RIN3: variants seen among roughly 807,000 people sequenced by gnomAD.
RIN3 encodes the protein Ras and Rab interactor 3, also known as RAB5 interacting protein 3.
A neutral mutation model predicts 76.3 loss-of-function variants in RIN3; 54 were observed. The ratio of observed to expected loss-of-function variants is 0.71; its 90% CI spans 0.57 to 0.89. The LOEUF is 0.89. Ranked by LOEUF, RIN3 falls within the 40% of genes least tolerant of loss-of-function variation. RIN3 has a pLI of 0.00. For synonymous variants in RIN3, 576 were observed against 564.0 expected (o/e 1.02, Z -0.30); for missense variants, 1,256 against 1,322.1 (o/e 0.95, Z 0.78).
At chr14:92,615,364 C>T in intron 3 of RIN3, 43 bp from the exon 4 acceptor site, 2 of 1,557,676 alleles carry the variant, frequency 1.3e-6, no homozygotes, top group Non-Finnish European at 1.8e-6. Context: ...TTTTCCTTGG[C>T]AGGATACTCA....
At chr14:92,579,260 T>G (rs1289450031) in intron 3 of RIN3, among the ~76,000 whole-genome samples, 1 of 152,232 alleles carries the variant, frequency 6.6e-6, no homozygotes, top group African/African-American at 2.4e-5. Context: ...GTGGCTAATT[T>G]GTTAGTTTTA....
chr14:92,563,634 A>G (rs1897839502), intron 2 of RIN3, among the ~76,000 whole-genome samples: 1 of 151,868 alleles, frequency 6.6e-6, no homozygotes, highest in Non-Finnish European at 1.5e-5. Context: ...AAGCTTTAAA[A>G]AAAACAGTGT....
chr14:92,612,777 T>C (rs986700219), intron 3 of RIN3, among the ~76,000 whole-genome samples: 2 of 152,220 alleles, frequency 1.3e-5, no homozygotes, highest in Non-Finnish European at 2.9e-5. Flanking sequence ...TACTTATGAT[T>C]TTACAAATCT....
Position 92,651,882 on chromosome 14 carries a change from G to GCTGCCCCCCCCCCCCCCCCCCCC in RIN3, c.834_835insTGCCCCCCCCCCCCCCCCCCCCC (p.Arg279CysfsTer68). On this transcript the variant is annotated frameshift_variant, in exon 6 of 10. Transcript: ENST00000216487. LOFTEE classifies it high-confidence loss of function. ...TCACCCACCTCCAGGTGGGCCCCAC[G>GCTGCCCCCCCCCCCCCCCCCCCC]CCGCCCACCACCCCCTCCCCCAGTG... The GCTGCCCCCCCCCCCCCCCCCCCC allele has an allele frequency of 6.4e-7, 1 of 1,554,474 alleles. No homozygotes were observed. The highest frequency in any genetic ancestry group is 8.7e-7 in the Non-Finnish European group (1 of 1,153,212).
In RIN3 at chr14:92,625,229, C is replaced by T. The variant is rs577886682; in HGVS notation, c.440+9750C>T. Among the ~76,000 whole-genome samples, 16 of 152,220 alleles carry T rather than the reference C, an allele frequency of 1.1e-4. No homozygotes were observed. The East Asian group carries it at 1.7e-3, about 17-fold the overall frequency. On this transcript the variant is annotated intron_variant, in intron 4 of 9. Transcript: ENST00000216487. ...GGGGCAGTTCGGATCCTGAGTAGAGCGATGGGGAGACACTTAGTCCAGGGT... is the reference window on the plus strand; with the variant it reads ...GGGGCAGTTCGGATCCTGAGTAGAGTGATGGGGAGACACTTAGTCCAGGGT...
intron 3 of RIN3, among the ~76,000 whole-genome samples, chr14:92,614,844 C>CT (rs71301939): frequency 0.16 from 18,347 of 118,088 alleles, 2,014 homozygotes; most frequent in African/African-American, 0.24. Context: ...TCTGGTATGT[C>CT]TTTTTTTTTT....
At chr14:92,520,182 A>G (rs1175312472) in intron 1 of RIN3, among the ~76,000 whole-genome samples, 3 of 152,252 alleles carry the variant, frequency 2.0e-5, no homozygotes, top group African/African-American at 4.8e-5. Context: ...TTCTCTTTTT[A>G]GCAGAAATGG....
intron 6 of RIN3, among the ~76,000 whole-genome samples, chr14:92,657,912 C>T (rs1887729261): frequency 6.6e-6 from 1 of 152,232 alleles, no homozygotes; most frequent in African/African-American, 2.4e-5. Context: ...GCATGAGTCC[C>T]TCCCTCCTCT....
At chr14:92,601,191 G>A (rs1359293253) in intron 3 of RIN3, among the ~76,000 whole-genome samples, 3 of 152,148 alleles carry the variant, frequency 2.0e-5, no homozygotes, top group Non-Finnish European at 4.4e-5. Flanking sequence ...ACAGTATTGG[G>A]ATTAATTTTA....
chr14:92,515,346 A>C, intron 1 of RIN3: 1 of 674,948 alleles, frequency 1.5e-6, no homozygotes, highest in Non-Finnish European at 2.7e-6. Context: ...TCAGGGAGGA[A>C]GGGGAGGTGA....
intron 1 of RIN3, among the ~76,000 whole-genome samples, chr14:92,536,086 GTGTC>G (rs1188225623): frequency 6.6e-6 from 1 of 152,174 alleles, no homozygotes; most frequent in African/African-American, 2.4e-5. Flanking sequence ...ACTGACCTGT[GTGTC>G]TGTCCCTGCA....
intron 1 of RIN3, among the ~76,000 whole-genome samples, chr14:92,553,946 T>A (rs1897507121): frequency 1.3e-5 from 2 of 152,140 alleles, no homozygotes; most frequent in African/African-American, 2.4e-5. Flanking sequence ...TTACAGGGCT[T>A]ACCCTGGCCT....
chr14:92,585,741 C>T, intron 3 of RIN3, among the ~76,000 whole-genome samples: 1 of 152,120 alleles, frequency 6.6e-6, no homozygotes, highest in South Asian at 2.1e-4. Flanking sequence ...AGCGATCCTC[C>T]CCAAGTTGCT....
At chr14:92,636,577 C>T (rs1886786126) in intron 4 of RIN3, among the ~76,000 whole-genome samples, 1 of 151,998 alleles carries the variant, frequency 6.6e-6, no homozygotes, top group Non-Finnish European at 1.5e-5. Flanking sequence ...GAGCAAGACT[C>T]CATCTCAAAA....
intron 2 of RIN3, among the ~76,000 whole-genome samples, chr14:92,575,047 T>C (rs1043512157): frequency 2.6e-5 from 4 of 152,156 alleles, no homozygotes; most frequent in African/African-American, 4.8e-5. Flanking sequence ...AGAGGAGAAT[T>C]AAGTGAGATC....
At chr14:92,520,332 A>C (rs1287064171) in intron 1 of RIN3, among the ~76,000 whole-genome samples, 2 of 152,040 alleles carry the variant, frequency 1.3e-5, no homozygotes, top group African/African-American at 2.4e-5. Flanking sequence ...CTCTACACAC[A>C]GGCCTGGAGC....
At chr14:92,549,542 G>C (rs1897368823) in intron 1 of RIN3, among the ~76,000 whole-genome samples, 1 of 152,216 alleles carries the variant, frequency 6.6e-6, no homozygotes, top group Non-Finnish European at 1.5e-5. Flanking sequence ...CGCTGGAGTG[G>C]AGCTTCCCTC....
intron 2 of RIN3, 104 bp from the exon 3 acceptor site, chr14:92,577,256 C>T (rs1898271709): frequency 1.4e-6 from 1 of 732,762 alleles, no homozygotes; most frequent in Admixed American, 2.0e-5. Flanking sequence ...TAGCCTGCCT[C>T]ATCATTTCAG....
chr14:92,685,093 C>A lies in RIN3; in HGVS notation c.2574C>A (p.His858Gln), dbSNP rs762535531. The A allele has an allele frequency of 1.2e-6, 2 of 1,613,774 alleles. No individual in the cohort carries two copies. Among genetic ancestry groups the A allele is most frequent in the Admixed American group, 3.3e-5 (2 of 60,026 alleles). The change falls in exon 9 of 10, where the codon CAC becomes CAA. Residue 858 changes from histidine (H) to glutamine (Q), a missense_variant. His to Gln is a conservative substitution (Grantham distance 24). This residue lies in a region of RIN3 where 428 missense variants were observed against 521.2 expected (regional missense o/e 0.82). Transcript: ENST00000216487. This position sits in a 1 kb window ranked among gnomAD's most constrained non-coding sequence, Gnocchi z 4.7. ...GTGTGGAGGTGCAGGACTCCATCCACCGCTGGGAGCGCCGGCGTACTCTCA... is the reference window on the plus strand; with the variant it reads ...GTGTGGAGGTGCAGGACTCCATCCAACGCTGGGAGCGCCGGCGTACTCTCA... ...QLSVEVQDSI[H>Q]RWERRRTLNK... is the part of the protein sequence containing the mutation.
Sources: allele counts gnomAD v4.1 joint callset (sites outside exome capture counted in the v4.1 genomes callset), GRCh38; gene constraint gnomAD v4.1.1; regional missense constraint gnomAD v4.1.1; non-coding constraint Gnocchi (gnomAD v3.1); transcripts MANE v1.5; gene names NCBI Gene and HGNC (gene_info 2026-07-23, HGNC 2026-07-21).